Variants in CCDC88A observed in about 807,000 individuals in gnomAD.
The protein encoded by CCDC88A is coiled-coil and HOOK domain protein 88A, also known as girdin.
Under a neutral mutation model 234.3 loss-of-function variants are expected in CCDC88A, and 54 were observed. That is an observed-to-expected ratio of 0.23 (90% CI 0.19 to 0.29). The LOEUF (loss-of-function observed/expected upper bound fraction) is 0.29. Among genes scored for constraint, CCDC88A ranks in the 10% least tolerant of loss-of-function variants. CCDC88A has a pLI of 1.00. For missense variants in CCDC88A, 1,832 were observed against 2,123.4 expected (o/e 0.86, Z 2.70); for synonymous variants, 753 against 737.8 (o/e 1.02, Z -0.33).
At chr2:55,404,439 C>A (rs556257027) in intron 2 of CCDC88A, 1 of 151,684 alleles carries the variant, frequency 6.6e-6, no homozygotes, top group Non-Finnish European at 1.5e-5. Flanking sequence ...GAAAAGTGCT[C>A]CAAAAGGCTC....
rs541287597 is a variant in CCDC88A, at chr2:55,339,375, G to C, written c.1518+89C>G. On this transcript the variant is annotated intron_variant, in intron 13 of 32. Transcript: ENST00000436346. Reference sequence around the variant, plus strand: ...AACAAGTTAAAATAACATTGAGCGTGCATTTAAAAAGTGGAAAATAAATGG... The same window carrying C: ...AACAAGTTAAAATAACATTGAGCGTCCATTTAAAAAGTGGAAAATAAATGG... 149 of 1,129,484 alleles carry C rather than the reference G, an allele frequency of 1.3e-4. No homozygotes were observed. In the Middle Eastern group the frequency reaches 2.3e-3, roughly 17 times the overall value. 70.0% of individuals were successfully genotyped at this position (1,129,484 alleles called of 1,614,324 possible). A position where few individuals can be genotyped will look rare whatever the true frequency, so the allele number is the denominator to read the frequency against.
In CCDC88A at chr2:55,324,653, C is replaced by CT. The variant is rs145610788; in HGVS notation, c.2998-1962dup. Among the ~76,000 whole-genome samples the CT allele has an allele frequency of 2.2e-3, 326 of 147,960 alleles. 2 individuals are homozygous for CT. Among genetic ancestry groups the CT allele is most frequent in the East Asian group, 0.021 (106 of 5,078 alleles). On this transcript the variant is annotated intron_variant, in intron 17 of 32. Transcript: ENST00000436346. ...GAAGTAGCATTATCACCTTCTTTTT[C>CT]TTTTTTTTTTGAGATGGAGTCTCGC...
Position 55,322,679 on chromosome 2 carries a change from T to C in CCDC88A, c.3011A>G (p.Tyr1004Cys). 5.9e-6 allele frequency: 9 copies of C among 1,529,890 alleles called. No individual in the cohort carries two copies. The highest frequency in any genetic ancestry group is 7.9e-6 in the Non-Finnish European group (9 of 1,140,788). The allele number at this position is 1,529,890 out of a possible 1,614,324, so 94.8% of individuals were successfully genotyped here. Reference sequence around the variant, plus strand: ...ATCTTGTCTCTGTTTGAGAGCTTCATAATTTTTTTTCACCTAAAATTTTAT... The same window carrying C: ...ATCTTGTCTCTGTTTGAGAGCTTCACAATTTTTTTTCACCTAAAATTTTAT... Reference protein sequence around the residue: ...RQELKTVKKNYEALKQRQDEE... With the variant: ...RQELKTVKKNCEALKQRQDEE... The change falls in exon 18 of 33, where the codon TAT becomes TGT. Residue 1004 changes from tyrosine (Y) to cysteine (C), a missense_variant. Tyr to Cys is a radical substitution (Grantham distance 194, BLOSUM62 -2). Around this residue, in one of 6 missense-constraint regions of CCDC88A, gnomAD observed 1,282 missense variants for 1,543.6 expected, o/e 0.83. Coordinates refer to ENST00000436346, the MANE Select transcript of CCDC88A (RefSeq NM_001365480.1).
At position 55,322,512 on chromosome 2, in the gene CCDC88A, A is replaced by G. The variant is rs1683766896; in HGVS notation, c.3162+16T>C. On this transcript the variant is annotated intron_variant, in intron 18 of 32. Transcript: ENST00000436346. Reference sequence around the variant, plus strand: ...TCTAAAAAAAACTATTTCTACTAAAATTTAAAAATACTTACATTTCTTTCT... The same window carrying G: ...TCTAAAAAAAACTATTTCTACTAAAGTTTAAAAATACTTACATTTCTTTCT... 4.8e-6 allele frequency: 7 copies of G among 1,468,500 alleles called. No individual in the cohort carries two copies. Among genetic ancestry groups the G allele is most frequent in the Non-Finnish European group, 4.7e-6 (5 of 1,062,658 alleles). 91.0% of individuals were successfully genotyped at this position (1,468,500 alleles called of 1,614,324 possible).
In CCDC88A at chr2:55,334,308, T is replaced by C. The variant is rs772608003; in HGVS notation, c.2513A>G (p.Asn838Ser). The change falls in exon 15 of 33, where the codon AAT becomes AGT. Residue 838 changes from asparagine (N) to serine (S), a missense_variant. By Grantham distance (46) the Asn-to-Ser change is conservative. Around this residue, in one of 6 missense-constraint regions of CCDC88A, gnomAD observed 1,282 missense variants for 1,543.6 expected, o/e 0.83. Transcript: ENST00000436346. The surrounding 1 kb of genome is among the most constrained non-coding windows in gnomAD (Gnocchi z 6.1). ...EKDKKQLEKE[N>S]KRLRQQAEIK... ...TTCTGCTTGTTGTCGGAGTCTCTTATTTTCCTTCTCCAATTGTTTCTTATC... is the reference window on the plus strand; with the variant it reads ...TTCTGCTTGTTGTCGGAGTCTCTTACTTTCCTTCTCCAATTGTTTCTTATC... 13 of 1,480,444 alleles carry C rather than the reference T, an allele frequency of 8.8e-6. No individual in the cohort carries two copies. Among genetic ancestry groups the C allele is most frequent in the African/African-American group, 1.4e-5 (1 of 70,088 alleles). 91.7% of individuals were successfully genotyped at this position (1,480,444 alleles called of 1,614,324 possible). A position where few individuals can be genotyped will look rare whatever the true frequency, so the allele number is the denominator to read the frequency against.
chr2:55,416,644 T>C (rs1293848412), intron 2 of CCDC88A, among the ~76,000 whole-genome samples: 1 of 151,208 alleles, frequency 6.6e-6, no homozygotes, highest in Non-Finnish European at 1.5e-5. Context: ...TCACAAATTC[T>C]GTAACTAAAT....
intron 17 of CCDC88A, among the ~76,000 whole-genome samples, chr2:55,325,729 G>A (rs988996380): frequency 2.0e-5 from 3 of 152,170 alleles, no homozygotes; most frequent in Non-Finnish European, 4.4e-5. Flanking sequence ...TACTGTAATT[G>A]TGGATTTTTC....
At chr2:55,341,808 C>T (rs1668543787) in intron 12 of CCDC88A, among the ~76,000 whole-genome samples, 1 of 152,072 alleles carries the variant, frequency 6.6e-6, no homozygotes, top group Non-Finnish European at 1.5e-5. Flanking sequence ...TTTCTTTATC[C>T]ATCATTTCAT....
intron 6 of CCDC88A, 37 bp downstream of exon 6, chr2:55,363,913 T>G: frequency 8.8e-7 from 1 of 1,139,530 alleles, no homozygotes; most frequent in Admixed American, 2.0e-5. Context: ...ACCACAAGCT[T>G]CATAAATAGC....
chr2:55,363,296 C>T (rs1450371261), intron 6 of CCDC88A, among the ~76,000 whole-genome samples: 1 of 151,800 alleles, frequency 6.6e-6, no homozygotes, highest in Admixed American at 6.6e-5. Flanking sequence ...TTAAATACTA[C>T]CAATTTTCAC....
chr2:55,394,846 T>C (rs767083581), intron 2 of CCDC88A, among the ~76,000 whole-genome samples: 6 of 151,854 alleles, frequency 4.0e-5, no homozygotes, highest in Non-Finnish European at 8.8e-5. Flanking sequence ...GTTTTTGTTT[T>C]TGTTTTTGTT....
rs1681958236 is a variant in CCDC88A at position 55,419,277 on chromosome 2, T to G, written c.-198A>C. The G allele has an allele frequency of 1.8e-6, 1 of 554,766 alleles. No homozygotes were observed. Among genetic ancestry groups the G allele is most frequent in the African/African-American group, 1.9e-5 (1 of 52,816 alleles). 34.4% of individuals were successfully genotyped at this position (554,766 alleles called of 1,614,324 possible). On this transcript the variant is annotated 5_prime_UTR_variant, in exon 1 of 33. Coordinates refer to ENST00000436346, the MANE Select transcript of CCDC88A (RefSeq NM_001365480.1). ...ACGAGCCGAAATCCCAAGAAGTGGC[T>G]TCGACGACGGACACCACGAGCAGCA...
chr2:55,313,011 T>C (rs552979028), intron 22 of CCDC88A: 306 of 159,928 alleles, frequency 1.9e-3, no homozygotes, highest in Non-Finnish European at 2.5e-3. Flanking sequence ...ATATGTAAAG[T>C]ATCTAGTAGC....
rs980050133 is a variant in CCDC88A at position 55,289,236 on chromosome 2, C to T, written c.*1964G>A. 2.6e-5 allele frequency: 4 copies of T among 152,614 alleles called. No individual in the cohort carries two copies. The highest frequency in any genetic ancestry group is 2.0e-4 in the Admixed American group (3 of 15,268). 9.5% of individuals were successfully genotyped at this position (152,614 alleles called of 1,614,324 possible). A position where few individuals can be genotyped will look rare whatever the true frequency, so the allele number is the denominator to read the frequency against. Reference sequence around the variant, plus strand: ...TACATCACCACCCATTAAATTTCAGCTTTTCAGTAATTGTTCTGGGATGTG... The same window carrying T: ...TACATCACCACCCATTAAATTTCAGTTTTTCAGTAATTGTTCTGGGATGTG... On this transcript the variant is annotated 3_prime_UTR_variant, in exon 33 of 33. Transcript: ENST00000436346.
chr2:55,334,956 T>C lies in CCDC88A; in HGVS notation c.1865A>G (p.Glu622Gly). The change falls in exon 15 of 33, where the codon GAA becomes GGA. Residue 622 changes from glutamate to glycine, a missense_variant. Transcript: ENST00000436346. The surrounding 1 kb of genome is among the most constrained non-coding windows in gnomAD (Gnocchi z 6.1). ...QIKKELEHYK[E>G]KGERAEELEN... is the part of the protein sequence containing the mutation. ...AAGTTCTTCAGCTCGTTCTCCTTTT[T>C]CTTTATAATGTTCCAATTCTTTTTT... 2 of 1,571,408 alleles carry C rather than the reference T, an allele frequency of 1.3e-6. No homozygotes were observed. Among genetic ancestry groups the C allele is most frequent in the Non-Finnish European group, 1.7e-6 (2 of 1,155,066 alleles).
At position 55,407,396 on chromosome 2, in the gene CCDC88A, G is replaced by A. The variant is rs981018216; in HGVS notation, c.164+11420C>T. ...GAGGCAGGTGCATCATTTGATGTCA[G>A]GAGTTCGAGACCCGCCTGGCCAACA... On this transcript the variant is annotated intron_variant, in intron 2 of 32. Transcript: ENST00000436346. Among the ~76,000 whole-genome samples, 3 of 151,758 alleles carry A rather than the reference G, an allele frequency of 2.0e-5. 1 individual carries two copies. The highest frequency in any genetic ancestry group is 7.3e-5 in the African/African-American group (3 of 41,252).
rs1426779004 is a variant in CCDC88A, at chr2:55,302,004, C to T, written c.4540G>A (p.Val1514Ile). 1.2e-6 allele frequency: 2 copies of T among 1,614,014 alleles called. No individual in the cohort carries two copies. Among genetic ancestry groups the T allele is most frequent in the African/African-American group, 1.3e-5 (1 of 74,930 alleles). Residue 1514 changes from valine to isoleucine, a missense_variant, in exon 27 of 33, where the codon GTT becomes ATT. Coordinates refer to ENST00000436346, the MANE Select transcript of CCDC88A (RefSeq NM_001365480.1). ...QWTGSTENLE[V>I]PDDISTGKRR... The stretch of plus-strand genomic sequence containing the variant: ...TTACCCGTTGAAATATCATCAGGAA[C>T]CTCCAAATTCTCAGTACTACCTGTC...
At chr2:55,401,032 G>T (rs1678524733) in intron 2 of CCDC88A, among the ~76,000 whole-genome samples, 1 of 152,048 alleles carries the variant, frequency 6.6e-6, no homozygotes, top group South Asian at 2.1e-4. Context: ...CACCATTAAG[G>T]GTTATCCAAG....
chr2:55,303,943 T>A (rs937167646), intron 25 of CCDC88A, among the ~76,000 whole-genome samples: 1 of 152,202 alleles, frequency 6.6e-6, no homozygotes, highest in Non-Finnish European at 1.5e-5. Flanking sequence ...AAATGCACAT[T>A]CCACCACAGT....
Sources: allele counts gnomAD v4.1 joint callset (sites outside exome capture counted in the v4.1 genomes callset), GRCh38; gene constraint gnomAD v4.1.1; regional missense constraint gnomAD v4.1.1; non-coding constraint Gnocchi (gnomAD v3.1); transcripts MANE v1.5; gene names NCBI Gene and HGNC (gene_info 2026-07-23, HGNC 2026-07-21).